The following TUNAR variants were observed in gnomAD, a reference collection of about 807,000 sequenced individuals.
The protein encoded by TUNAR is protein TUNAR.
chr14:95,906,390 G>T (rs576327724), intron 2 of TUNAR, among the ~76,000 whole-genome samples: 7 of 152,256 alleles, frequency 4.6e-5, no homozygotes, highest in African/African-American at 1.7e-4. Context: ...ACATCACAAG[G>T]CTCATTTTAA....
chr14:95,886,036 C>T (rs1011119589), intron 2 of TUNAR, among the ~76,000 whole-genome samples: 9 of 152,182 alleles, frequency 5.9e-5, no homozygotes, highest in African/African-American at 2.2e-4. Context: ...TGCTGCCCAG[C>T]CATCGTGGAC....
chr14:95,905,918 T>C (rs1889421599), intron 2 of TUNAR, among the ~76,000 whole-genome samples: 1 of 152,258 alleles, frequency 6.6e-6, no homozygotes, highest in African/African-American at 2.4e-5. Context: ...CATAGACATT[T>C]CTTTTATCCT....
intron 2 of TUNAR, among the ~76,000 whole-genome samples, chr14:95,920,037 A>G (rs1231484535): frequency 3.3e-5 from 5 of 152,224 alleles, no homozygotes; most frequent in Non-Finnish European, 7.4e-5. Flanking sequence ...GAATAGAGAC[A>G]TAAATTTTGG....
At chr14:95,878,750 T>G (rs1417458720) in intron 2 of TUNAR, among the ~76,000 whole-genome samples, 1 of 152,182 alleles carries the variant, frequency 6.6e-6, no homozygotes, top group East Asian at 1.9e-4. Flanking sequence ...GGCTAACACA[T>G]AGTGGCTATA....
chr14:95,880,898 A>G (rs538287190), intron 2 of TUNAR, among the ~76,000 whole-genome samples: 25 of 152,356 alleles, frequency 1.6e-4, no homozygotes, highest in Non-Finnish European at 3.1e-4. Context: ...TCTGCAAAGT[A>G]GACATTGTGA....
At chr14:95,886,395 CG>C (rs1330752417) in intron 2 of TUNAR, among the ~76,000 whole-genome samples, 1 of 152,208 alleles carries the variant, frequency 6.6e-6, no homozygotes, top group Non-Finnish European at 1.5e-5. Flanking sequence ...CTCAGGGTCA[CG>C]GGTGGTTATA....
intron 2 of TUNAR, among the ~76,000 whole-genome samples, chr14:95,891,414 G>A (rs918621523): frequency 4.6e-5 from 7 of 152,182 alleles, no homozygotes; most frequent in African/African-American, 1.4e-4. Context: ...AGAGCCCTGC[G>A]ATTCATATAA....
intron 2 of TUNAR, among the ~76,000 whole-genome samples, chr14:95,885,049 C>T (rs1441137438): frequency 2.0e-5 from 3 of 152,164 alleles, no homozygotes; most frequent in Non-Finnish European, 4.4e-5. Flanking sequence ...GAGTGCGTAA[C>T]TGGAAGATCT....
intron 2 of TUNAR, among the ~76,000 whole-genome samples, chr14:95,916,592 T>C (rs1254188215): frequency 1.3e-5 from 2 of 152,236 alleles, no homozygotes; most frequent in African/African-American, 4.8e-5. Context: ...AATGCTCTTA[T>C]CCATGTACCC....
intron 2 of TUNAR, among the ~76,000 whole-genome samples, chr14:95,896,321 C>T (rs1889268482): frequency 6.6e-6 from 1 of 152,216 alleles, no homozygotes. Flanking sequence ...AATGGGGAAA[C>T]TGAGGTAGAA....
chr14:95,884,644 G>A (rs1023691707), intron 2 of TUNAR, among the ~76,000 whole-genome samples: 1 of 152,056 alleles, frequency 6.6e-6, no homozygotes, highest in Non-Finnish European at 1.5e-5. Flanking sequence ...ACTTTTTTTC[G>A]AGGAAGTTTC....
At chr14:95,909,417 G>A (rs1889477451) in intron 2 of TUNAR, among the ~76,000 whole-genome samples, 1 of 151,580 alleles carries the variant, frequency 6.6e-6, no homozygotes, top group Non-Finnish European at 1.5e-5. Context: ...CCGAGTAGCT[G>A]GGACTTCGGG....
At chr14:95,886,555 G>A (rs1379282648) in intron 2 of TUNAR, among the ~76,000 whole-genome samples, 1 of 152,226 alleles carries the variant, frequency 6.6e-6, no homozygotes, top group African/African-American at 2.4e-5. Context: ...CTGCCAGATG[G>A]TGCCAAGGGC....
intron 2 of TUNAR, among the ~76,000 whole-genome samples, chr14:95,899,931 T>C (rs1889325787): frequency 6.6e-6 from 1 of 152,232 alleles, no homozygotes; most frequent in Non-Finnish European, 1.5e-5. Flanking sequence ...TTTTAACTCA[T>C]GTCACCCTCA....
At chr14:95,923,816 A>G (rs1051890395) in exon 3 of TUNAR, 2 of 152,092 alleles carry the variant, frequency 1.3e-5, no homozygotes, top group Non-Finnish European at 2.9e-5. Context: ...AAGATTGTCC[A>G]TTGAGTGGCT....
At chr14:95,884,684 G>C (rs139607159) in intron 2 of TUNAR, among the ~76,000 whole-genome samples, 1 of 152,098 alleles carries the variant, frequency 6.6e-6, no homozygotes, top group African/African-American at 2.4e-5. Flanking sequence ...TCTTGGGCTG[G>C]ACTATTAACT....
chr14:95,900,098 T>G (rs1889327340), intron 2 of TUNAR, among the ~76,000 whole-genome samples: 1 of 152,236 alleles, frequency 6.6e-6, no homozygotes, highest in South Asian at 2.1e-4. Flanking sequence ...TTTTCTTTAT[T>G]CCTTTTTTTC....
chr14:95,921,187 C>G (rs574298299), intron 2 of TUNAR, among the ~76,000 whole-genome samples: 2 of 152,310 alleles, frequency 1.3e-5, no homozygotes, highest in South Asian at 4.1e-4. Context: ...TTCAGTCTCC[C>G]AATTCAAATG....
intron 2 of TUNAR, among the ~76,000 whole-genome samples, chr14:95,896,417 G>A (rs1889270418): frequency 6.6e-6 from 1 of 152,156 alleles, no homozygotes; most frequent in Non-Finnish European, 1.5e-5. Flanking sequence ...TTCATTTGTG[G>A]CATCAAGGCT....
Sources: allele counts gnomAD v4.1 joint callset (sites outside exome capture counted in the v4.1 genomes callset), GRCh38; gene constraint gnomAD v4.1.1; transcripts MANE v1.5; gene names NCBI Gene and HGNC (gene_info 2026-07-23, HGNC 2026-07-21).